Variants in CNTNAP2 observed in about 807,000 individuals in gnomAD.
CNTNAP2 encodes the protein contactin-associated protein-like 2.
CNTNAP2 carries 98 observed loss-of-function variants against 155.2 expected under a neutral mutation model. The observed-to-expected ratio is 0.63, with a 90% CI of 0.54 to 0.75. The LOEUF is 0.75. Ranked by LOEUF, CNTNAP2 falls within the 30% of genes least tolerant of loss-of-function variation. The probability of loss-of-function intolerance (pLI) is 0.00; values close to 1 mark genes in which losing one functional copy is unlikely to be tolerated. For missense variants in CNTNAP2, 1,727 were observed against 1,688.1 expected, an observed-to-expected ratio of 1.02 and a Z score of -0.40; for synonymous variants, 651 against 631.2, an observed-to-expected ratio of 1.03 and a Z score of -0.47.
intron 1 of CNTNAP2, among the ~76,000 whole-genome samples, chr7:146,436,533 T>C (rs1012081220): frequency 3.9e-5 from 6 of 152,076 alleles, no homozygotes; most frequent in African/African-American, 1.2e-4. Context: ...AATAGGAAAA[T>C]TTAAAATAAT....
chr7:148,368,313 T>A (rs1798822594), intron 21 of CNTNAP2, among the ~76,000 whole-genome samples: 1 of 152,206 alleles, frequency 6.6e-6, no homozygotes, highest in Non-Finnish European at 1.5e-5. Context: ...AAGTATAATC[T>A]GCAAATGCAG....
chr7:148,081,597 C>A (rs939501513), intron 15 of CNTNAP2, among the ~76,000 whole-genome samples: 1 of 151,932 alleles, frequency 6.6e-6, no homozygotes, highest in African/African-American at 2.4e-5. Flanking sequence ...CTTCAGCTTG[C>A]GGATGGCCTA....
At chr7:147,021,949 G>C (rs554161218) in intron 3 of CNTNAP2, among the ~76,000 whole-genome samples, 39 of 151,998 alleles carry the variant, frequency 2.6e-4, no homozygotes, top group African/African-American at 9.2e-4. Context: ...TATATTTTAG[G>C]TATGGCTATG....
At chr7:146,234,606 T>G in intron 1 of CNTNAP2, among the ~76,000 whole-genome samples, 1 of 151,402 alleles carries the variant, frequency 6.6e-6, no homozygotes, top group Non-Finnish European at 1.5e-5. Flanking sequence ...GTCTAACGTT[T>G]AAGTCTTTAA....
intron 1 of CNTNAP2, among the ~76,000 whole-genome samples, chr7:146,593,357 G>A (rs1265533622): frequency 2.0e-5 from 3 of 151,894 alleles, no homozygotes; most frequent in African/African-American, 7.3e-5. Context: ...TCATGTTCCT[G>A]GAGCTCCCAC....
chr7:147,400,053 C>T (rs539396096), intron 10 of CNTNAP2, among the ~76,000 whole-genome samples: 1 of 152,180 alleles, frequency 6.6e-6, no homozygotes, highest in Non-Finnish European at 1.5e-5. Flanking sequence ...TTATTGACTG[C>T]TTGTGGCAAA....
At chr7:147,112,246 G>A (rs970235704) in intron 5 of CNTNAP2, among the ~76,000 whole-genome samples, 7 of 152,206 alleles carry the variant, frequency 4.6e-5, no homozygotes, top group African/African-American at 1.4e-4. Context: ...CTTTGCTGAA[G>A]TTGCTTATCG....
intron 1 of CNTNAP2, among the ~76,000 whole-genome samples, chr7:146,133,606 G>A (rs1479222232): frequency 3.3e-5 from 5 of 152,180 alleles, no homozygotes; most frequent in African/African-American, 1.2e-4. Flanking sequence ...TGTAAGGAAG[G>A]GATCCAGTTT....
intron 12 of CNTNAP2, among the ~76,000 whole-genome samples, chr7:147,618,810 A>T (rs1173368001): frequency 1.3e-5 from 2 of 151,902 alleles, no homozygotes; most frequent in Admixed American, 6.6e-5. Context: ...TTCCAGCTTT[A>T]TCAGTCCCTG....
chr7:147,090,730 T>C (rs1290333469), intron 4 of CNTNAP2, among the ~76,000 whole-genome samples: 1 of 152,154 alleles, frequency 6.6e-6, no homozygotes, highest in Non-Finnish European at 1.5e-5. Context: ...AAATTAACAA[T>C]ATTGACAATT....
At chr7:146,916,422 T>G (rs10266606) in intron 3 of CNTNAP2, among the ~76,000 whole-genome samples, 38,272 of 152,038 alleles carry the variant, frequency 0.25, 5,674 homozygotes, top group Non-Finnish European at 0.32. Flanking sequence ...TTTAAATGTC[T>G]GATTGAATTC....
intron 1 of CNTNAP2, among the ~76,000 whole-genome samples, chr7:146,646,170 C>T (rs1457044906): frequency 6.6e-6 from 1 of 152,110 alleles, no homozygotes; most frequent in Non-Finnish European, 1.5e-5. Flanking sequence ...GCTTAAAAGC[C>T]TGGCAAAATG....
rs1051865595 is a variant in CNTNAP2, at chr7:146,488,782, C to A, written c.98-285489C>A. On this transcript the variant is annotated intron_variant, in intron 1 of 23. Transcript: ENST00000361727. ...TAGCTGGGATTTCAGGCACGTGCCA[C>A]CACGCCTGGCTAGTTTTTTGTGGAG... 2.6e-5 allele frequency among the ~76,000 whole-genome samples: 4 copies of A among 152,224 alleles called. No individual in the cohort carries two copies. In the South Asian group the frequency reaches 6.2e-4, roughly 24 times the overall value.
At chr7:146,970,564 G>T (rs528698440) in intron 3 of CNTNAP2, among the ~76,000 whole-genome samples, 270 of 152,220 alleles carry the variant, frequency 1.8e-3, no homozygotes, top group African/African-American at 6.1e-3. Flanking sequence ...GGAAACAACA[G>T]GTGCTGGAGA....
chr7:148,171,930 T>C lies in CNTNAP2; in HGVS notation c.2774-312T>C, dbSNP rs543196781. 2.6e-5 allele frequency among the ~76,000 whole-genome samples: 4 copies of C among 152,348 alleles called. No individual in the cohort carries two copies. The South Asian group carries it at 8.3e-4, about 32-fold the overall frequency. On this transcript the variant is annotated intron_variant, in intron 17 of 23. Coordinates refer to ENST00000361727, the MANE Select transcript of CNTNAP2 (RefSeq NM_014141.6). ...GATTAAAGAGCAAAGAATCTAGAGA[T>C]TTCTGTAAACGCTTTTTCTATAGGA...
intron 13 of CNTNAP2, among the ~76,000 whole-genome samples, chr7:147,727,747 C>CTTTTTT (rs10689191): frequency 7.1e-6 from 1 of 141,650 alleles, no homozygotes; most frequent in Non-Finnish European, 1.5e-5. Context: ...CCAAAGCCTG[C>CTTTTTT]TTTTTTTTTT....
intron 1 of CNTNAP2, among the ~76,000 whole-genome samples, chr7:146,335,544 C>G (rs1384218265): frequency 6.6e-6 from 1 of 152,156 alleles, no homozygotes; most frequent in Non-Finnish European, 1.5e-5. Flanking sequence ...GACTGTTGTT[C>G]TGTCTGAGAG....
intron 18 of CNTNAP2, among the ~76,000 whole-genome samples, chr7:148,211,474 T>G (rs1358451279): frequency 1.3e-5 from 2 of 152,246 alleles, no homozygotes; most frequent in African/African-American, 4.8e-5. Flanking sequence ...TGAGGCAGCT[T>G]GCACAGTCTG....
At chr7:147,917,469 A>ATGGC (rs1185489683) in intron 14 of CNTNAP2, among the ~76,000 whole-genome samples, 3 of 152,188 alleles carry the variant, frequency 2.0e-5, no homozygotes, top group Non-Finnish European at 4.4e-5. Context: ...AGGATCCAAC[A>ATGGC]TGGCTTCTAG....
Sources: gnomAD v4.1 joint callset for allele counts (sites outside exome capture counted in the v4.1 genomes callset) on GRCh38, gnomAD v4.1.1 for gene constraint, MANE v1.5 for transcripts, NCBI Gene and HGNC (gene_info 2026-07-23, HGNC 2026-07-21) for gene names.